The following FHIT variants were observed in gnomAD, a reference collection of about 807,000 sequenced individuals.
FHIT encodes bis(5'-adenosyl)-triphosphatase.
In FHIT, 19 loss-of-function variants were observed where a neutral mutation model predicts 17.9. That is an observed-to-expected ratio of 1.06 (90% CI 0.74 to 1.56). The LOEUF is 1.56. Among genes scored for constraint, FHIT ranks in the 40% most tolerant of loss-of-function variants. The pLI is 0.00. For synonymous variants in FHIT, 81 were observed against 69.7 expected (o/e 1.16, Z -0.81); for missense variants, 248 against 189.2 (o/e 1.31, Z -1.82).
At chr3:61,207,441 T>C (rs566551101) in intron 1 of FHIT, among the ~76,000 whole-genome samples, 4 of 152,310 alleles carry the variant, frequency 2.6e-5, no homozygotes, top group African/African-American at 7.2e-5. Flanking sequence ...TGTGAATCCA[T>C]CTGGTCCTGG....
chr3:60,279,969 T>C (rs1345646480), intron 5 of FHIT, among the ~76,000 whole-genome samples: 2 of 150,706 alleles, frequency 1.3e-5, no homozygotes, highest in Admixed American at 1.3e-4. Context: ...GAGGCGGAGC[T>C]TGCAGTGAGC....
At chr3:61,212,577 T>C (rs368237641) in intron 1 of FHIT, among the ~76,000 whole-genome samples, 16,085 of 152,250 alleles carry the variant, frequency 0.11, 1,040 homozygotes, top group South Asian at 0.21. Flanking sequence ...GAAAACACTC[T>C]GCAGGATATT....
At chr3:61,021,479 G>A (rs1382572019) in intron 3 of FHIT, among the ~76,000 whole-genome samples, 4 of 142,788 alleles carry the variant, frequency 2.8e-5, no homozygotes, top group African/African-American at 9.9e-5. Flanking sequence ...GGCGCCTGTA[G>A]TCCCAGCTAC....
intron 5 of FHIT, among the ~76,000 whole-genome samples, chr3:60,156,303 T>C (rs1168210833): frequency 6.6e-6 from 1 of 151,634 alleles, no homozygotes; most frequent in Non-Finnish European, 1.5e-5. Context: ...TGAGCCGAGA[T>C]TGTGCCACTG....
intron 3 of FHIT, among the ~76,000 whole-genome samples, chr3:60,937,682 G>C (rs4558709): frequency 0.36 from 53,800 of 150,842 alleles, 10,648 homozygotes; most frequent in Middle Eastern, 0.47. Flanking sequence ...TCCTGCCTCA[G>C]CCTCCTGAGT....
In FHIT at chr3:61,043,118, G is replaced by C. The variant is rs117709952; in HGVS notation, c.-163-1019C>G. On this transcript the variant is annotated intron_variant, in intron 2 of 9. Transcript: ENST00000492590. ...CTCACTGGGGCTTGTTGGACAGTGG[G>C]TGCACCCCATGGAGTGTGAGCCAAA... 1.5e-3 allele frequency among the ~76,000 whole-genome samples: 225 copies of C among 152,230 alleles called. 3 individuals are homozygous for C. In the East Asian group the frequency reaches 0.033, roughly 22 times the overall value.
chr3:61,046,283 C>T (rs1293786201), intron 2 of FHIT, among the ~76,000 whole-genome samples: 2 of 152,022 alleles, frequency 1.3e-5, no homozygotes, highest in Non-Finnish European at 2.9e-5. Context: ...ATCAAATAGA[C>T]ACAATAAAAA....
chr3:60,294,628 T>C (rs932882329), intron 5 of FHIT, among the ~76,000 whole-genome samples: 5 of 152,134 alleles, frequency 3.3e-5, no homozygotes, highest in African/African-American at 4.8e-5. Flanking sequence ...ATACAGAACA[T>C]TACCATTCGC....
At chr3:61,148,059 AC>A (rs2037278590) in intron 2 of FHIT, among the ~76,000 whole-genome samples, 1 of 151,722 alleles carries the variant, frequency 6.6e-6, no homozygotes, top group Admixed American at 6.6e-5. Flanking sequence ...AAAAAAAAAA[AC>A]AAAAAACTAT....
At chr3:60,217,413 C>A (rs2107527490) in intron 5 of FHIT, among the ~76,000 whole-genome samples, 1 of 152,306 alleles carries the variant, frequency 6.6e-6, no homozygotes, top group Admixed American at 6.5e-5. Flanking sequence ...AAATATGTAT[C>A]ATCTCTTGCA....
intron 5 of FHIT, among the ~76,000 whole-genome samples, chr3:60,081,494 C>T (rs1297690951): frequency 6.6e-6 from 1 of 152,070 alleles, no homozygotes; most frequent in Non-Finnish European, 1.5e-5. Context: ...ATCTACTGCT[C>T]CTCATTAGTA....
chr3:61,096,749 A>C (rs1008682612), intron 2 of FHIT, among the ~76,000 whole-genome samples: 1 of 152,192 alleles, frequency 6.6e-6, no homozygotes, highest in African/African-American at 2.4e-5. Flanking sequence ...GCATAGACTT[A>C]GCCAGATGCC....
chr3:59,874,529 C>T (rs550317728), intron 8 of FHIT, among the ~76,000 whole-genome samples: 2 of 152,206 alleles, frequency 1.3e-5, no homozygotes, highest in East Asian at 3.9e-4. Context: ...GCTGCTGGTC[C>T]AGGGATCTAG....
At position 60,770,273 on chromosome 3, in the gene FHIT, G is replaced by GA. The variant is rs35681055; in HGVS notation, c.-18+51645dup. On this transcript the variant is annotated intron_variant, in intron 4 of 9. Transcript: ENST00000492590. ...TATAACTTGAAAGTTGAAACATGGA[G>GA]AAAAAAAAAAAGGAGTATTATTGAT... is the stretch of plus-strand genomic sequence containing the variant. Among the ~76,000 whole-genome samples the GA allele has an allele frequency of 3.8e-3, 546 of 142,202 alleles. 3 individuals are homozygous for GA. The highest frequency in any genetic ancestry group is 0.012 in the African/African-American group (457 of 38,768). 93.3% of individuals were successfully genotyped at this position (142,202 alleles called of 152,430 possible). A position where few individuals can be genotyped will look rare whatever the true frequency, so the allele number is the denominator to read the frequency against.
chr3:60,787,913 A>G (rs978754610), intron 4 of FHIT, among the ~76,000 whole-genome samples: 4 of 152,140 alleles, frequency 2.6e-5, no homozygotes, highest in African/African-American at 7.2e-5. Context: ...AATGGCCCCA[A>G]AAGAACAGTG....
At chr3:61,190,550 T>G (rs568393034) in intron 2 of FHIT, among the ~76,000 whole-genome samples, 24 of 152,184 alleles carry the variant, frequency 1.6e-4, no homozygotes, top group African/African-American at 5.5e-4. Flanking sequence ...AGAACTAGAA[T>G]TACCATTTGA....
chr3:60,999,817 C>T (rs947109979), intron 3 of FHIT, among the ~76,000 whole-genome samples: 1 of 152,008 alleles, frequency 6.6e-6, no homozygotes, highest in Non-Finnish European at 1.5e-5. Flanking sequence ...TCATAAACAA[C>T]AGAAATTTAT....
intron 4 of FHIT, among the ~76,000 whole-genome samples, chr3:60,647,373 C>A (rs1451148756): frequency 6.6e-6 from 1 of 152,064 alleles, no homozygotes; most frequent in Non-Finnish European, 1.5e-5. Flanking sequence ...TTAGCTCCTG[C>A]AATTCTGAAG....
At chr3:59,931,179 T>C (rs1186325902) in intron 7 of FHIT, among the ~76,000 whole-genome samples, 1 of 152,236 alleles carries the variant, frequency 6.6e-6, no homozygotes, top group Non-Finnish European at 1.5e-5. Flanking sequence ...ACATTAGTTT[T>C]AAAAATAATT....
Sources: allele counts gnomAD v4.1 joint callset (sites outside exome capture counted in the v4.1 genomes callset), GRCh38; gene constraint gnomAD v4.1.1; transcripts MANE v1.5; gene names NCBI Gene and HGNC (gene_info 2026-07-23, HGNC 2026-07-21).